MYO16: variants seen among roughly 807,000 people sequenced by gnomAD.
MYO16 encodes myosin XVI.
A neutral mutation model predicts 205.3 loss-of-function variants in MYO16; 94 were observed. The observed-to-expected ratio is 0.46, with a 90% confidence interval of 0.39 to 0.54. The LOEUF (loss-of-function observed/expected upper bound fraction) is 0.54, where lower values mean the gene tolerates loss of function less well. Among genes scored for constraint, MYO16 ranks in the 20% least tolerant of loss-of-function variants. MYO16 has a pLI of 0.00. For missense variants in MYO16, 2,315 were observed against 2,387.5 expected, an observed-to-expected ratio of 0.97 and a Z score of 0.63; for synonymous variants, 988 against 954.0, an observed-to-expected ratio of 1.04 and a Z score of -0.66.
intron 21 of MYO16, among the ~76,000 whole-genome samples, chr13:109,008,469 ATC>A (rs1566458119): frequency 8.8e-6 from 1 of 113,624 alleles, no homozygotes; most frequent in African/African-American, 3.8e-5. Context: ...CTACTGTACT[ATC>A]TTGTGTATGC....
intron 2 of MYO16, among the ~76,000 whole-genome samples, chr13:108,676,706 G>A (rs546210043): frequency 3.2e-4 from 49 of 152,114 alleles, no homozygotes; most frequent in South Asian, 4.1e-4. Flanking sequence ...TGCAAGTTAC[G>A]GGACAAACCT....
In MYO16 at chr13:108,767,232, A is replaced by G. The variant is rs544203938; in HGVS notation, c.508-18403A>G. ...ATTCTCCTGCCTCAGTCTCCCTAGT[A>G]GCTGGGACTACAGGCGCCCGCCACC... On this transcript the variant is annotated intron_variant, in intron 4 of 34. Coordinates refer to ENST00000457511, the MANE Select transcript of MYO16 (RefSeq NM_001198950.3). 1.2e-4 allele frequency among the ~76,000 whole-genome samples: 18 copies of G among 152,070 alleles called. No homozygotes were observed. The South Asian group carries it at 3.7e-3, about 32-fold the overall frequency.
At chr13:109,017,000 T>C (rs759058482) in intron 22 of MYO16, among the ~76,000 whole-genome samples, 4 of 152,246 alleles carry the variant, frequency 2.6e-5, no homozygotes, top group Non-Finnish European at 5.9e-5. Context: ...AATTTGATCC[T>C]GTCATTATGC....
At chr13:108,965,036 G>C (rs1469570758) in intron 20 of MYO16, 134 bp downstream of exon 20, 11 of 971,282 alleles carry the variant, frequency 1.1e-5, no homozygotes, top group Non-Finnish European at 1.6e-5. Flanking sequence ...TTTTAACAAG[G>C]TAATCTGACT....
intron 15 of MYO16, 43 bp from the exon 16 acceptor site, chr13:108,909,960 G>T: frequency 1.3e-6 from 2 of 1,577,598 alleles, no homozygotes; most frequent in Non-Finnish European, 1.7e-6. Flanking sequence ...GAAATGAAAT[G>T]AATACTGCCA....
intron 16 of MYO16, among the ~76,000 whole-genome samples, chr13:108,917,589 A>G (rs1881553866): frequency 9.3e-6 from 1 of 107,504 alleles, no homozygotes; most frequent in Non-Finnish European, 2.1e-5. Flanking sequence ...AAGCCTATAG[A>G]TGAATATTGC....
In MYO16 at chr13:108,631,150, T is replaced by C. The variant is rs550038741; in HGVS notation, c.28+1278T>C. ...GCAATACTCTGACTGGTTTTTGTAT[T>C]GCCTCTCGTGTTTTACTGCACTAGC... On this transcript the variant is annotated intron_variant, in intron 1 of 34. Coordinates refer to ENST00000457511, the MANE Select transcript of MYO16 (RefSeq NM_001198950.3). Among the ~76,000 whole-genome samples the C allele has an allele frequency of 1.2e-4, 19 of 152,368 alleles. No individual in the cohort carries two copies. The South Asian group carries it at 3.3e-3, about 27-fold the overall frequency.
intron 1 of MYO16, chr13:108,659,423 G>A: frequency 4.9e-6 from 2 of 405,142 alleles, no homozygotes; most frequent in Non-Finnish European, 9.8e-6. Context: ...TCCTACAGAG[G>A]TACGCACTCG....
chr13:108,865,839 C>G lies in MYO16; in HGVS notation c.1360-338C>G, dbSNP rs190484686. Among the ~76,000 whole-genome samples the G allele has an allele frequency of 1.4e-3, 211 of 152,018 alleles. 2 individuals are homozygous for G. Among genetic ancestry groups the G allele is most frequent in the African/African-American group, 4.9e-3 (202 of 41,512 alleles). On this transcript the variant is annotated intron_variant, in intron 11 of 34. Transcript: ENST00000457511. ...GAATTTGTTACTCCATTGACTTTTT[C>G]GTAGGCATTTTGTCATATGTTTTAA...
chr13:108,802,117 G>A (rs1412823922), intron 6 of MYO16, among the ~76,000 whole-genome samples: 1 of 152,108 alleles, frequency 6.6e-6, no homozygotes, highest in East Asian at 1.9e-4. Flanking sequence ...TGTATTCTTT[G>A]TTATTTTAAC....
intron 4 of MYO16, among the ~76,000 whole-genome samples, chr13:108,753,151 C>T (rs1282933356): frequency 1.3e-5 from 2 of 151,402 alleles, no homozygotes; most frequent in Non-Finnish European, 2.9e-5. Context: ...GGGTGGATCA[C>T]GAGGTCAGCA....
chr13:108,526,665 A>G, the MYO16 span, among the ~76,000 whole-genome samples: 19 of 152,204 alleles, frequency 1.2e-4, no homozygotes, highest in Non-Finnish European at 2.4e-4. Flanking sequence ...CAAAAATACA[A>G]TTTACATATT....
chr13:108,559,171 T>C, the MYO16 span, among the ~76,000 whole-genome samples: 1 of 152,116 alleles, frequency 6.6e-6, no homozygotes, highest in Non-Finnish European at 1.5e-5. Context: ...CATATGACCA[T>C]TGTCCCTACC....
At chr13:108,795,311 T>C (rs1177061808) in intron 6 of MYO16, among the ~76,000 whole-genome samples, 3 of 151,972 alleles carry the variant, frequency 2.0e-5, no homozygotes, top group East Asian at 3.9e-4. Context: ...CGTGTCCAAG[T>C]GATTTTCCTA....
At chr13:108,700,208 C>T (rs1883245794) in intron 2 of MYO16, among the ~76,000 whole-genome samples, 1 of 151,786 alleles carries the variant, frequency 6.6e-6, no homozygotes, top group Non-Finnish European at 1.5e-5. Context: ...TGGCAGACTC[C>T]TGTAATCCCA....
chr13:108,778,626 A>G (rs1886202419), intron 4 of MYO16, among the ~76,000 whole-genome samples: 1 of 140,442 alleles, frequency 7.1e-6, no homozygotes, highest in South Asian at 2.3e-4. Flanking sequence ...CTAAAAAAAT[A>G]TATATTTTTT....
intron 27 of MYO16, among the ~76,000 whole-genome samples, chr13:109,092,866 T>C (rs1488332800): frequency 6.6e-6 from 1 of 152,216 alleles, no homozygotes; most frequent in East Asian, 1.9e-4. Flanking sequence ...AGAACACTAT[T>C]TCATCACTTT....
chr13:108,609,842 A>G (rs1404986316), intron 1 of MYO16, among the ~76,000 whole-genome samples: 1 of 152,154 alleles, frequency 6.6e-6, no homozygotes, highest in Non-Finnish European at 1.5e-5. Flanking sequence ...TTATTTGAGT[A>G]AAAGCCTCAT....
At chr13:108,882,969 A>G (rs196141) in intron 12 of MYO16, 90 bp from the exon 13 acceptor site, 208,438 of 1,508,986 alleles carry the variant, frequency 0.14, 15,267 homozygotes, top group East Asian at 0.31. Context: ...TCACTTCTGT[A>G]TCTTGGACAG....
Sources: gnomAD v4.1 joint callset for allele counts (sites outside exome capture counted in the v4.1 genomes callset) on GRCh38, gnomAD v4.1.1 for gene constraint, MANE v1.5 for transcripts, NCBI Gene and HGNC (gene_info 2026-07-23, HGNC 2026-07-21) for gene names.